LTBP4: variants seen among roughly 807,000 people sequenced by gnomAD.
The protein encoded by LTBP4 is latent transforming growth factor beta binding protein 4.
A neutral mutation model predicts 180.2 loss-of-function variants in LTBP4; 93 were observed. That is an observed-to-expected ratio of 0.52 (90% CI 0.44 to 0.61). The LOEUF (loss-of-function observed/expected upper bound fraction) is 0.61, where lower values mean the gene tolerates loss of function less well. Ranked by LOEUF, LTBP4 falls within the 20% of genes least tolerant of loss-of-function variation. LTBP4 has a pLI of 0.00. For synonymous variants in LTBP4, 947 were observed against 934.5 expected (o/e 1.01, Z -0.24); for missense variants, 2,116 against 2,256.5 (o/e 0.94, Z 1.26).
At position 40,606,408 on chromosome 19, in the gene LTBP4, G is replaced by C; in HGVS notation, c.873G>C (p.Val291=). The change falls in exon 6 of 30, where the codon GTG becomes GTC. Residue 291 remains valine, a synonymous_variant. Coordinates refer to ENST00000396819, the MANE Select transcript of LTBP4 (RefSeq NM_001042545.2). ...FERVNGSCED[V]DECATGGRCQ... is the part of the protein sequence containing the mutation. ...TGACCTCCCCAACCCTGGCAGATGT[G>C]GATGAGTGCGCGACTGGCGGGCGCT... 2 of 1,605,932 alleles carry C rather than the reference G, an allele frequency of 1.2e-6. No homozygotes were observed. The highest frequency in any genetic ancestry group is 1.7e-6 in the Non-Finnish European group (2 of 1,175,604).
In LTBP4 at chr19:40,612,170, C is replaced by G. The variant is rs1204951841; in HGVS notation, c.2277C>G (p.His759Gln). The G allele has an allele frequency of 6.2e-7, 1 of 1,609,036 alleles. No homozygotes were observed. The highest frequency in any genetic ancestry group is 1.1e-5 in the South Asian group (1 of 89,914). ...GCAGGACCTGTCCTTCTGGCCACCA[C>G]CTGCACCGTGGCAGATGCACTGGTG... is the stretch of plus-strand genomic sequence containing the variant. The part of the protein sequence containing the change: ...FQCRTCPSGH[H>Q]LHRGRCTDVD... Residue 759 changes from histidine (H) to glutamine (Q), a missense_variant, in exon 15 of 30, where the codon CAC becomes CAG. This residue lies in a region of LTBP4 where 877 missense variants were observed against 873.6 expected (regional missense o/e 1.00). Transcript: ENST00000396819.
In LTBP4 at chr19:40,610,631, C is replaced by T. The variant is rs780205324; in HGVS notation, c.1784C>T (p.Ala595Val). Residue 595 changes from alanine (A) to valine (V), a missense_variant, in exon 12 of 30, where the codon GCT (alanine) becomes GTT (valine). Ala to Val is a moderately conservative substitution (Grantham distance 64). Around this residue, in one of 5 missense-constraint regions of LTBP4, gnomAD observed 877 missense variants for 873.6 expected, o/e 1.00. Transcript: ENST00000396819. Reference protein sequence around the residue: ...FLCVCPAGYQAAPHGASCQDV... With the variant: ...FLCVCPAGYQVAPHGASCQDV... ...TGCGTGTGCCCCGCCGGGTACCAGG[C>T]TGCACCGCACGGAGCCAGCTGCCAG... 6.3e-6 allele frequency: 10 copies of T among 1,584,932 alleles called. No individual in the cohort carries two copies. Among genetic ancestry groups the T allele is most frequent in the Non-Finnish European group, 8.5e-6 (10 of 1,170,852 alleles).
rs1195385638 is a variant in LTBP4, at chr19:40,629,093, C to T, written c.4520-303C>T. Among the ~76,000 whole-genome samples the T allele has an allele frequency of 6.6e-6, 1 of 152,134 alleles. No individual in the cohort carries two copies. The highest frequency in any genetic ancestry group is 2.4e-5 in the African/African-American group (1 of 41,422). ...TCGAACTCCGGCCTCAAGTGATCCA[C>T]CCGCCTCAGCCTCCCAAAGTGCTGA... On this transcript the variant is annotated intron_variant, in intron 29 of 29. Coordinates refer to ENST00000396819, the MANE Select transcript of LTBP4 (RefSeq NM_001042545.2). This position sits in a 1 kb window ranked among gnomAD's most constrained non-coding sequence, Gnocchi z 4.5.
chr19:40,627,800 T>C lies in LTBP4; in HGVS notation c.4462T>C (p.Phe1488Leu). Residue 1488 changes from phenylalanine (F) to leucine (L), a missense_variant, in exon 29 of 30, where the codon TTC becomes CTC. Coordinates refer to ENST00000396819, the MANE Select transcript of LTBP4 (RefSeq NM_001042545.2). ...CCGCTGCGTGCGCGTCCCCGAAGGC[T>C]TCACCTGCCGTTGCTTCGACGGCTA... ...NGRCVRVPEG[F>L]TCRCFDGYRL... 6.4e-7 allele frequency: 1 copy of C among 1,569,020 alleles called. No individual in the cohort carries two copies. Among genetic ancestry groups the C allele is most frequent in the Non-Finnish European group, 8.6e-7 (1 of 1,161,928 alleles).
Position 40,614,407 on chromosome 19 carries a change from G to A in LTBP4, c.2773G>A (p.Asp925Asn). Residue 925 changes from aspartate to asparagine, a missense_variant, in exon 19 of 30, where the codon GAT becomes AAT. Asp to Asn is a conservative substitution (Grantham distance 23). Coordinates refer to ENST00000396819, the MANE Select transcript of LTBP4 (RefSeq NM_001042545.2). The stretch of plus-strand genomic sequence containing the variant: ...CTCCTACCGCTGTGTCCGGGACTGC[G>A]ATCCTGGGTACCACGCGGGCCCCGA... Reference protein sequence around the residue: ...PGSYRCVRDCDPGYHAGPEGT... With the variant: ...PGSYRCVRDCNPGYHAGPEGT... 6.3e-7 allele frequency: 1 copy of A among 1,599,920 alleles called. No individual in the cohort carries two copies. The highest frequency in any genetic ancestry group is 8.5e-7 in the Non-Finnish European group (1 of 1,179,754).
intron 26 of LTBP4, among the ~76,000 whole-genome samples, chr19:40,625,473 G>T: frequency 6.6e-6 from 1 of 150,784 alleles, no homozygotes; most frequent in African/African-American, 2.4e-5. Flanking sequence ...TTTGCCCACT[G>T]TCCCAACCAC....
At chr19:40,607,601 C>A (rs2081473085) in intron 7 of LTBP4, 72 bp downstream of exon 7, 1 of 1,465,864 alleles carries the variant, frequency 6.8e-7, no homozygotes, top group Non-Finnish European at 9.1e-7. Context: ...CACCCTCCAA[C>A]CCTGAGTTCA....
Position 40,605,696 on chromosome 19 carries a change from G to C in LTBP4, c.691-33G>C, listed in dbSNP as rs2081455728. The stretch of plus-strand genomic sequence containing the variant: ...GGAGGGGCCCGGAGCTTGCCTCCGC[G>C]CGGGGGCGCGCTCACCCAACACTTC... On this transcript the variant is annotated intron_variant, in intron 3 of 29. Coordinates refer to ENST00000396819, the MANE Select transcript of LTBP4 (RefSeq NM_001042545.2). The surrounding 1 kb of genome is among the most constrained non-coding windows in gnomAD (Gnocchi z 5.5). 1 of 1,545,922 alleles carries C rather than the reference G, an allele frequency of 6.5e-7. No homozygotes were observed. The highest frequency in any genetic ancestry group is 2.4e-5 in the East Asian group (1 of 40,874).
At position 40,605,635 on chromosome 19, in the gene LTBP4, G is replaced by A. The variant is rs766236344; in HGVS notation, c.673G>A (p.Glu225Lys). Residue 225 changes from glutamate (E) to lysine (K), a missense_variant, in exon 3 of 30, where the codon GAG becomes AAG. Glu to Lys is a moderately conservative substitution (Grantham distance 56). Around this residue, in one of 5 missense-constraint regions of LTBP4, gnomAD observed 469 missense variants for 532.5 expected, o/e 0.88. Coordinates refer to ENST00000396819, the MANE Select transcript of LTBP4 (RefSeq NM_001042545.2). The surrounding 1 kb of genome is among the most constrained non-coding windows in gnomAD (Gnocchi z 5.5). Reference sequence around the variant, plus strand: ...CTCGGGCTTCGGTTACTGCTTTCGGGAGCTGCGCGGAGGCGAAGTGAGAGG... The same window carrying A: ...CTCGGGCTTCGGTTACTGCTTTCGGAAGCTGCGCGGAGGCGAAGTGAGAGG... ...DASGFGYCFRELRGGECASPL... is the reference protein window; with the variant it reads ...DASGFGYCFRKLRGGECASPL... 1 of 1,579,194 alleles carries A rather than the reference G, an allele frequency of 6.3e-7. No homozygotes were observed. The highest frequency in any genetic ancestry group is 1.9e-5 in the Admixed American group (1 of 53,860).
Position 40,613,622 on chromosome 19 carries a change from G to T in LTBP4, c.2557+93G>T. On this transcript the variant is annotated intron_variant, in intron 17 of 29. Coordinates refer to ENST00000396819, the MANE Select transcript of LTBP4 (RefSeq NM_001042545.2). This position sits in a 1 kb window ranked among gnomAD's most constrained non-coding sequence, Gnocchi z 5.0. ...GAAGAGGGCGAAAAGGGGAAAACGA[G>T]TTTTTAGCCGGGGTATTCCAGCAGG... The T allele has an allele frequency of 6.5e-7, 1 of 1,528,666 alleles. No individual in the cohort carries two copies. 94.7% of individuals were successfully genotyped at this position (1,528,666 alleles called of 1,614,324 possible). A position where few individuals can be genotyped will look rare whatever the true frequency, so the allele number is the denominator to read the frequency against.
intron 1 of LTBP4, among the ~76,000 whole-genome samples, chr19:40,603,157 A>G (rs1479380605): frequency 1.3e-5 from 2 of 152,170 alleles, no homozygotes; most frequent in South Asian, 2.1e-4. Flanking sequence ...CTTTCCCCAG[A>G]TAACTCTGTA....
chr19:40,610,090 T>TC (rs2081494179), intron 11 of LTBP4: 2 of 608,238 alleles, frequency 3.3e-6, no homozygotes, highest in Non-Finnish European at 5.3e-6. Context: ...CCAGTTTCTA[T>TC]CGGGGCCTGG....
rs1279895233 is a variant in LTBP4 at position 40,601,545 on chromosome 19, G to A, written c.158G>A (p.Arg53His). 16 of 1,486,510 alleles carry A rather than the reference G, an allele frequency of 1.1e-5. No individual in the cohort carries two copies. Among genetic ancestry groups the A allele is most frequent in the East Asian group, 2.9e-5 (1 of 35,060 alleles). The allele number at this position is 1,486,510 out of a possible 1,614,324, so 92.1% of individuals were successfully genotyped here. A position where few individuals can be genotyped will look rare whatever the true frequency, so the allele number is the denominator to read the frequency against. ...TGCGTCCATGGGCCGACCGGCTCCC[G>A]CTGTACCCCGACCTGCGCGCCCCGC... Reference protein sequence around the residue: ...LRCVHGPTGSRCTPTCAPRNA... With the variant: ...LRCVHGPTGSHCTPTCAPRNA... Residue 53 changes from arginine to histidine, a missense_variant, in exon 1 of 30, where the codon CGC becomes CAC. Around this residue, in one of 5 missense-constraint regions of LTBP4, gnomAD observed 469 missense variants for 532.5 expected, o/e 0.88. Transcript: ENST00000396819.
chr19:40,616,301 G>GAAAA (rs950904275), intron 19 of LTBP4, among the ~76,000 whole-genome samples: 2 of 144,838 alleles, frequency 1.4e-5, no homozygotes, highest in East Asian at 2.0e-4. Flanking sequence ...TTAAAAAAAA[G>GAAAA]AAAAAAAAGC....
chr19:40,597,371 G>A, upstream of LTBP4: 9 of 1,515,254 alleles, frequency 5.9e-6, no homozygotes, highest in East Asian at 2.6e-5. Flanking sequence ...GTCCCCAGCC[G>A]CCCGGCCAGG....
chr19:40,606,553 TG>T (rs931895852), intron 6 of LTBP4, 27 bp downstream of exon 6: 4 of 1,550,724 alleles, frequency 2.6e-6, no homozygotes, highest in Admixed American at 3.9e-5. Context: ...GAGCTGAGGC[TG>T]GGTCCCGCCC....
chr19:40,599,089 G>C, upstream of LTBP4: 1 of 991,878 alleles, frequency 1.0e-6, no homozygotes, highest in Non-Finnish European at 1.6e-6. Context: ...TCATATACCT[G>C]TTTCAAGCCC....
rs566441249 is a variant in LTBP4, at chr19:40,622,040, C to T, written c.3218-361C>T. On this transcript the variant is annotated intron_variant, in intron 22 of 29. Transcript: ENST00000396819. The surrounding 1 kb of genome is among the most constrained non-coding windows in gnomAD (Gnocchi z 5.1). ...CTGGGAGGACAGGCAGGAGCCACTG[C>T]ACCTGGCGACAAATTGTAGGTTTTG... is the stretch of plus-strand genomic sequence containing the variant. Among the ~76,000 whole-genome samples the T allele has an allele frequency of 6.6e-6, 1 of 152,290 alleles. No individual in the cohort carries two copies. Among genetic ancestry groups the T allele is most frequent in the African/African-American group, 2.4e-5 (1 of 41,570 alleles).
Position 40,627,765 on chromosome 19 carries a change from G to A in LTBP4, c.4427G>A (p.Cys1476Tyr). ...EAEECGILDG[C>Y]TNGRCVRVPE... Reference sequence around the variant, plus strand: ...GAGGAGTGCGGGATCCTGGACGGCTGCACCAACGGCCGCTGCGTGCGCGTC... The same window carrying A: ...GAGGAGTGCGGGATCCTGGACGGCTACACCAACGGCCGCTGCGTGCGCGTC... Residue 1476 changes from cysteine to tyrosine, a missense_variant, in exon 29 of 30, where the codon TGC becomes TAC. Cys to Tyr is a radical substitution (Grantham distance 194). This residue lies in a region of LTBP4 where 488 missense variants were observed against 458.8 expected (regional missense o/e 1.06). Coordinates refer to ENST00000396819, the MANE Select transcript of LTBP4 (RefSeq NM_001042545.2). 1 of 1,588,114 alleles carries A rather than the reference G, an allele frequency of 6.3e-7. No individual in the cohort carries two copies. Among genetic ancestry groups the A allele is most frequent in the Admixed American group, 1.8e-5 (1 of 56,724 alleles).
Sources: gnomAD v4.1 joint callset for allele counts (sites outside exome capture counted in the v4.1 genomes callset) on GRCh38, gnomAD v4.1.1 for gene constraint, gnomAD v4.1.1 regional missense constraint, Gnocchi (gnomAD v3.1) non-coding constraint, MANE v1.5 for transcripts, NCBI Gene and HGNC (gene_info 2026-07-23, HGNC 2026-07-21) for gene names.